KCNJ6: variants seen among roughly 807,000 people sequenced by gnomAD.
KCNJ6 encodes the protein G protein-activated inward rectifier potassium channel 2.
In KCNJ6, 9 loss-of-function variants were observed where a neutral mutation model predicts 34.2. The observed-to-expected ratio is 0.26, with a 90% CI of 0.16 to 0.46. The LOEUF is 0.46. KCNJ6 is among the 20% of genes least tolerant of loss of function. KCNJ6 has a pLI of 1.00. For synonymous variants in KCNJ6, 196 were observed against 207.1 expected, an observed-to-expected ratio of 0.95 and a Z score of 0.46; for missense variants, 236 against 531.3, an observed-to-expected ratio of 0.44 and a Z score of 5.46.
intron 2 of KCNJ6, among the ~76,000 whole-genome samples, chr21:37,731,503 A>G (rs761019310): frequency 1.3e-5 from 2 of 152,164 alleles, no homozygotes; most frequent in Non-Finnish European, 2.9e-5. Context: ...GTAGCTTCAC[A>G]TCTGTTTTCA....
Position 37,607,549 on chromosome 21 carries a change from A to C in KCNJ6, c.*17610T>G, listed in dbSNP as rs566251155. Reference sequence around the variant, plus strand: ...CTCAATACATAATTTGTGCTTTCGCATTGAGCATGCTTTCGTCTCATTGTC... The same window carrying C: ...CTCAATACATAATTTGTGCTTTCGCCTTGAGCATGCTTTCGTCTCATTGTC... On this transcript the variant is annotated 3_prime_UTR_variant, in exon 4 of 4. Coordinates refer to ENST00000609713, the MANE Select transcript of KCNJ6 (RefSeq NM_002240.5). The C allele has an allele frequency of 1.0e-4, 15 of 149,260 alleles. No homozygotes were observed. Among genetic ancestry groups the C allele is most frequent in the African/African-American group, 3.7e-4 (15 of 40,602 alleles). 9.2% of individuals were successfully genotyped at this position (149,260 alleles called of 1,614,324 possible).
chr21:37,851,399 G>A (rs1392911800), intron 1 of KCNJ6, among the ~76,000 whole-genome samples: 1 of 152,094 alleles, frequency 6.6e-6, no homozygotes, highest in Non-Finnish European at 1.5e-5. Context: ...CTAAGTCAGG[G>A]GAATATTTTT....
intron 2 of KCNJ6, among the ~76,000 whole-genome samples, chr21:37,716,714 C>G (rs1322563167): frequency 1.3e-5 from 2 of 152,152 alleles, no homozygotes; most frequent in African/African-American, 4.8e-5. Flanking sequence ...ATGATTAATG[C>G]ACTGGTTCAC....
chr21:37,822,656 A>G (rs923064264), intron 2 of KCNJ6, among the ~76,000 whole-genome samples: 1 of 152,282 alleles, frequency 6.6e-6, no homozygotes, highest in Non-Finnish European at 1.5e-5. Context: ...TAGACAAGTG[A>G]GTGGGAACTT....
intron 3 of KCNJ6, among the ~76,000 whole-genome samples, chr21:37,649,132 C>CAAAAAAAA (rs1169306298): frequency 3.3e-4 from 13 of 39,916 alleles, no homozygotes; most frequent in East Asian, 1.9e-3. Flanking sequence ...GACTCCATCT[C>CAAAAAAAA]AAAAAAAAAA....
intron 2 of KCNJ6, among the ~76,000 whole-genome samples, chr21:37,720,238 TTAAGAAATG>T (rs1199880086): frequency 6.6e-6 from 1 of 152,048 alleles, no homozygotes; most frequent in Non-Finnish European, 1.5e-5. Context: ...GATACCTGAT[TTAAGAAATG>T]TATCACACAA....
At chr21:37,766,815 C>T (rs1040030879) in intron 2 of KCNJ6, among the ~76,000 whole-genome samples, 1 of 152,200 alleles carries the variant, frequency 6.6e-6, no homozygotes, top group African/African-American at 2.4e-5. Context: ...ACTCCCTGAG[C>T]TCCACCTCCT....
chr21:37,714,200 A>G lies in KCNJ6; in HGVS notation c.946+11T>C, dbSNP rs1347592987. On this transcript the variant is annotated intron_variant, in intron 3 of 3. Coordinates refer to ENST00000609713, the MANE Select transcript of KCNJ6 (RefSeq NM_002240.5). The surrounding 1 kb of genome is among the most constrained non-coding windows in gnomAD (Gnocchi z 5.9). The stretch of plus-strand genomic sequence containing the variant: ...TATCCCACAGCCATCCCAGGATAGA[A>G]CACATCTTACCTGTGGCTTCCACCA... 1 of 1,595,482 alleles carries G rather than the reference A, an allele frequency of 6.3e-7. No individual in the cohort carries two copies. The highest frequency in any genetic ancestry group is 8.6e-7 in the Non-Finnish European group (1 of 1,164,830).
chr21:37,892,037 T>A (rs1323953099), intron 1 of KCNJ6, among the ~76,000 whole-genome samples: 1 of 152,242 alleles, frequency 6.6e-6, no homozygotes, highest in East Asian at 1.9e-4. Flanking sequence ...TGCAGGTATC[T>A]TTTTAAAGCA....
chr21:37,626,642 A>T (rs2054312553), intron 3 of KCNJ6, among the ~76,000 whole-genome samples: 1 of 152,020 alleles, frequency 6.6e-6, no homozygotes, highest in African/African-American at 2.4e-5. Context: ...GTTTTTTAAA[A>T]TTTTTTTCTG....
intron 1 of KCNJ6, among the ~76,000 whole-genome samples, chr21:37,911,226 T>C (rs971480962): frequency 6.6e-6 from 1 of 152,174 alleles, no homozygotes; most frequent in Admixed American, 6.5e-5. Context: ...AATAATTATT[T>C]AAAATGCACT....
intron 3 of KCNJ6, among the ~76,000 whole-genome samples, chr21:37,686,210 A>T (rs760074518): frequency 1.2e-4 from 18 of 152,186 alleles, no homozygotes; most frequent in Non-Finnish European, 2.2e-4. Context: ...TTCTCTGTGG[A>T]CAAAGAAGGA....
chr21:37,843,911 T>A (rs544496075), intron 1 of KCNJ6, among the ~76,000 whole-genome samples: 48 of 152,220 alleles, frequency 3.2e-4, no homozygotes, highest in Non-Finnish European at 6.0e-4. Context: ...GATTTGCCAT[T>A]TCTATGTTCT....
At chr21:37,743,508 C>G (rs1193561036) in intron 2 of KCNJ6, among the ~76,000 whole-genome samples, 1 of 152,154 alleles carries the variant, frequency 6.6e-6, no homozygotes, top group African/African-American at 2.4e-5. Context: ...GCCACGAGGG[C>G]TCCCCCCTCA....
At chr21:37,652,571 A>G (rs1479690794) in intron 3 of KCNJ6, among the ~76,000 whole-genome samples, 1 of 152,142 alleles carries the variant, frequency 6.6e-6, no homozygotes, top group East Asian at 1.9e-4. Flanking sequence ...GAGAGAGGTC[A>G]AATATTTGGG....
At position 37,875,901 on chromosome 21, in the gene KCNJ6, T is replaced by G. The variant is rs1362163154; in HGVS notation, c.-27-35192A>C. ...TCTAACAGCGTTGGAGGGTGGCTTA[T>G]AAAGTTGAAAAGTAATTTGTAAAGA... On this transcript the variant is annotated intron_variant, in intron 1 of 3. Transcript: ENST00000609713. 2.6e-5 allele frequency among the ~76,000 whole-genome samples: 4 copies of G among 152,226 alleles called. No homozygotes were observed. The East Asian group carries it at 7.7e-4, about 29-fold the overall frequency.
intron 1 of KCNJ6, among the ~76,000 whole-genome samples, chr21:37,844,393 C>A (rs1196654947): frequency 6.6e-6 from 1 of 152,034 alleles, no homozygotes; most frequent in African/African-American, 2.4e-5. Flanking sequence ...TCCCTCGCTG[C>A]ACTCTACTTA....
At position 37,887,275 on chromosome 21, in the gene KCNJ6, G is replaced by C. The variant is rs560783949; in HGVS notation, c.-28+28609C>G. On this transcript the variant is annotated intron_variant, in intron 1 of 3. Transcript: ENST00000609713. The stretch of plus-strand genomic sequence containing the variant: ...ATACCTTACCCCAGAGTTAGCACAG[G>C]GTCCTGTATTGACTAACCCTCCCCC... Among the ~76,000 whole-genome samples the C allele has an allele frequency of 2.0e-5, 3 of 152,200 alleles. No individual in the cohort carries two copies. In the East Asian group the frequency reaches 5.8e-4, roughly 29 times the overall value.
chr21:37,635,780 G>C (rs753298300), intron 3 of KCNJ6, among the ~76,000 whole-genome samples: 1 of 152,160 alleles, frequency 6.6e-6, no homozygotes, highest in Non-Finnish European at 1.5e-5. Flanking sequence ...GCCTCCCAAA[G>C]TGTTGGGATT....
Sources: allele counts gnomAD v4.1 joint callset (sites outside exome capture counted in the v4.1 genomes callset), GRCh38; gene constraint gnomAD v4.1.1; non-coding constraint Gnocchi (gnomAD v3.1); transcripts MANE v1.5; gene names NCBI Gene and HGNC (gene_info 2026-07-23, HGNC 2026-07-21).